Variants in RAB3GAP1 observed in about 807,000 individuals in gnomAD.
The protein encoded by RAB3GAP1 is RAB3 GTPase activating protein catalytic subunit 1.
Under a neutral mutation model 130.7 loss-of-function variants are expected in RAB3GAP1, and 86 were observed. The ratio of observed to expected loss-of-function variants is 0.66; its 90% CI spans 0.55 to 0.79. The LOEUF (loss-of-function observed/expected upper bound fraction) is 0.79. RAB3GAP1 is among the 30% of genes least tolerant of loss of function. The pLI is 0.00. For synonymous variants in RAB3GAP1, 367 were observed against 401.7 expected (o/e 0.91, Z 1.03); for missense variants, 1,029 against 1,169.4 (o/e 0.88, Z 1.75).
intron 11 of RAB3GAP1, among the ~76,000 whole-genome samples, chr2:135,128,627 A>G (rs530584657): frequency 6.6e-6 from 1 of 152,312 alleles, no homozygotes; most frequent in East Asian, 1.9e-4. Context: ...TTAACGTTCC[A>G]TGATCTTACC....
chr2:135,103,035 A>ATTTTTTTTTTTTTTTTTTTTTTTTTTTTT lies in RAB3GAP1; in HGVS notation c.362+9362_362+9363insTTTTTTTTTTTTTTTTTTTTTTTTTTTTT, dbSNP rs539310402. Among the ~76,000 whole-genome samples the ATTTTTTTTTTTTTTTTTTTTTTTTTTTTT allele has an allele frequency of 1.3e-4, 12 of 90,912 alleles. 1 individual carries two copies. Among genetic ancestry groups the ATTTTTTTTTTTTTTTTTTTTTTTTTTTTT allele is most frequent in the African/African-American group, 2.2e-4 (4 of 18,178 alleles). 59.6% of individuals were successfully genotyped at this position (90,912 alleles called of 152,430 possible). A position where few individuals can be genotyped will look rare whatever the true frequency, so the allele number is the denominator to read the frequency against. On this transcript the variant is annotated intron_variant, in intron 5 of 23. Coordinates refer to ENST00000264158, the MANE Select transcript of RAB3GAP1 (RefSeq NM_012233.3). ...AAAAAAAAAAAAAATCATTTTTGTG[A>ATTTTTTTTTTTTTTTTTTTTTTTTTTTTT]TTTTTTTTTTTTTTTTTTTTGAGAC... is the stretch of plus-strand genomic sequence containing the variant.
chr2:135,143,872 T>G (rs1217944005), intron 17 of RAB3GAP1, among the ~76,000 whole-genome samples: 2 of 152,198 alleles, frequency 1.3e-5, no homozygotes, highest in Non-Finnish European at 2.9e-5. Flanking sequence ...TTTTAAGCAG[T>G]CTCCTTAATT....
chr2:135,105,537 A>T (rs1367129091), intron 5 of RAB3GAP1, among the ~76,000 whole-genome samples: 1 of 152,012 alleles, frequency 6.6e-6, no homozygotes, highest in Non-Finnish European at 1.5e-5. Flanking sequence ...CTCAGTGCTC[A>T]ATGTTGCCCA....
downstream of RAB3GAP1, among the ~76,000 whole-genome samples, chr2:135,172,395 A>G (rs1451173734): frequency 6.6e-6 from 1 of 151,388 alleles, no homozygotes; most frequent in Admixed American, 6.6e-5. Context: ...AGATCATGCC[A>G]TTGCACTCCA....
intron 5 of RAB3GAP1, among the ~76,000 whole-genome samples, chr2:135,112,820 TCTCTCTCTCTCTCTCA>T (rs1043109914): frequency 2.0e-4 from 27 of 133,746 alleles, no homozygotes; most frequent in East Asian, 8.1e-4. Context: ...TCAAAGTCTC[TCTCTCTCTCTCTCTCA>T]CACACACACA....
At chr2:135,138,281 CAAAA>C (rs755492320) in intron 17 of RAB3GAP1, among the ~76,000 whole-genome samples, 3 of 107,496 alleles carry the variant, frequency 2.8e-5, no homozygotes, top group African/African-American at 6.5e-5. Flanking sequence ...CTATTTCTAC[CAAAA>C]AAAAAAAAAA....
intron 5 of RAB3GAP1, among the ~76,000 whole-genome samples, chr2:135,110,500 G>T (rs930611639): frequency 6.6e-6 from 1 of 152,180 alleles, no homozygotes; most frequent in Non-Finnish European, 1.5e-5. Context: ...TGGATGGGGG[G>T]AGACATTTTA....
intron 13 of RAB3GAP1, among the ~76,000 whole-genome samples, chr2:135,131,924 A>G (rs1691557717): frequency 5.9e-5 from 9 of 152,238 alleles, no homozygotes; most frequent in Admixed American, 6.5e-5. Context: ...AAAGTGTTGA[A>G]AAGAAAACTG....
chr2:135,132,807 A>ATG, intron 13 of RAB3GAP1, 88 bp from the exon 14 acceptor site: 1 of 809,498 alleles, frequency 1.2e-6, no homozygotes, highest in Non-Finnish European at 2.2e-6. Context: ...AACCATTAAA[A>ATG]AGTTAAATAA....
chr2:135,150,530 G>A (rs756532237), intron 18 of RAB3GAP1, 24 bp downstream of exon 18: 9 of 1,613,320 alleles, frequency 5.6e-6, no homozygotes, highest in African/African-American at 1.3e-5. Flanking sequence ...GCAGAGCTCT[G>A]GGGTCTATTT....
At chr2:135,139,875 C>T (rs1691787682) in intron 17 of RAB3GAP1, among the ~76,000 whole-genome samples, 1 of 152,118 alleles carries the variant, frequency 6.6e-6, no homozygotes, top group Non-Finnish European at 1.5e-5. Context: ...GATTCCCCTC[C>T]AGCAACTCTT....
At chr2:135,102,543 C>T (rs1023219244) in intron 5 of RAB3GAP1, among the ~76,000 whole-genome samples, 2 of 152,182 alleles carry the variant, frequency 1.3e-5, no homozygotes, top group African/African-American at 4.8e-5. Flanking sequence ...TGGAACAATA[C>T]ACTGAAAGCA....
At position 135,147,624 on chromosome 2, in the gene RAB3GAP1, C is replaced by T. The variant is rs922246777; in HGVS notation, c.1924-2745C>T. 2.6e-3 allele frequency among the ~76,000 whole-genome samples: 368 copies of T among 142,720 alleles called. 1 individual carries two copies. The highest frequency in any genetic ancestry group is 8.9e-3 in the African/African-American group (339 of 38,140). The allele number at this position is 142,720 out of a possible 152,430, so 93.6% of individuals were successfully genotyped here. A position where few individuals can be genotyped will look rare whatever the true frequency, so the allele number is the denominator to read the frequency against. ...ATTAATAGTAGTCCCCTCCCCCCCC[C>T]TTTTTTTTTTGACTCGGGGTCTCAC... On this transcript the variant is annotated intron_variant, in intron 17 of 23. Coordinates refer to ENST00000264158, the MANE Select transcript of RAB3GAP1 (RefSeq NM_012233.3).
chr2:135,164,735 C>A, intron 23 of RAB3GAP1, 39 bp downstream of exon 23: 2 of 1,490,934 alleles, frequency 1.3e-6, no homozygotes, highest in South Asian at 2.3e-5. Flanking sequence ...ATAATCTCTC[C>A]AAACCTCTAC....
intron 8 of RAB3GAP1, among the ~76,000 whole-genome samples, chr2:135,123,657 G>A (rs190501482): frequency 2.0e-4 from 30 of 152,126 alleles, no homozygotes; most frequent in African/African-American, 5.5e-4. Flanking sequence ...TATGCCATTC[G>A]TAATGGAAAG....
At chr2:135,074,536 C>G (rs1490863105) in intron 3 of RAB3GAP1, among the ~76,000 whole-genome samples, 1 of 152,192 alleles carries the variant, frequency 6.6e-6, no homozygotes, top group Non-Finnish European at 1.5e-5. Context: ...TTTACTGGCC[C>G]TGGCCAGGAA....
chr2:135,130,816 T>C (rs1370823123), intron 13 of RAB3GAP1, 95 bp downstream of exon 13: 2 of 1,166,502 alleles, frequency 1.7e-6, no homozygotes, highest in Non-Finnish European at 2.5e-6. Context: ...GACCTTGGAA[T>C]ATACAATGAG....
chr2:135,106,468 C>G lies in RAB3GAP1; in HGVS notation c.363-6683C>G, dbSNP rs1360009949. Reference sequence around the variant, plus strand: ...TCTATAACCTTACCCCCAACCCGTGCTCTCTGAAACGTGCTGTGTCCACTC... The same window carrying G: ...TCTATAACCTTACCCCCAACCCGTGGTCTCTGAAACGTGCTGTGTCCACTC... On this transcript the variant is annotated intron_variant, in intron 5 of 23. Coordinates refer to ENST00000264158, the MANE Select transcript of RAB3GAP1 (RefSeq NM_012233.3). Among the ~76,000 whole-genome samples the G allele has an allele frequency of 2.0e-5, 3 of 152,146 alleles. No homozygotes were observed. In the East Asian group the frequency reaches 5.8e-4, roughly 29 times the overall value.
At position 135,091,073 on chromosome 2, in the gene RAB3GAP1, C is replaced by T. The variant is rs1690129250; in HGVS notation, c.226C>T (p.His76Tyr). The T allele has an allele frequency of 6.2e-7, 1 of 1,605,590 alleles. No individual in the cohort carries two copies. The highest frequency in any genetic ancestry group is 1.7e-5 in the Admixed American group (1 of 59,976). The part of the protein sequence containing the change: ...SFADFKFSVT[H>Y]HYLVQESTDK... Reference sequence around the variant, plus strand: ...TGCTGACTTCAAGTTCTCAGTCACTCATCATTATCTTGTACAAGAGTCCAC... The same window carrying T: ...TGCTGACTTCAAGTTCTCAGTCACTTATCATTATCTTGTACAAGAGTCCAC... Residue 76 changes from histidine (H) to tyrosine (Y), a missense_variant, in exon 4 of 24, where the codon CAT (histidine) becomes TAT (tyrosine). By Grantham distance (83) the His-to-Tyr change is moderately conservative. Around this residue, in one of 3 missense-constraint regions of RAB3GAP1, gnomAD observed 510 missense variants for 532.1 expected, o/e 0.96. Transcript: ENST00000264158.
Sources: allele counts gnomAD v4.1 joint callset (sites outside exome capture counted in the v4.1 genomes callset), GRCh38; gene constraint gnomAD v4.1.1; regional missense constraint gnomAD v4.1.1; transcripts MANE v1.5; gene names NCBI Gene and HGNC (gene_info 2026-07-23, HGNC 2026-07-21).